The following RORB variants were observed in gnomAD, a reference collection of about 807,000 sequenced individuals.
RORB encodes the protein RAR related orphan receptor B, also known as nuclear receptor ROR-beta.
Under a neutral mutation model 59.1 loss-of-function variants are expected in RORB, and 6 were observed. The ratio of observed to expected loss-of-function variants is 0.10; its 90% CI spans 0.06 to 0.20. RORB has a LOEUF of 0.20. Among genes scored for constraint, RORB ranks in the 10% least tolerant of loss-of-function variants. The pLI is 1.00. For synonymous variants in RORB, 215 were observed against 204.5 expected (o/e 1.05, Z -0.44); for missense variants, 320 against 560.5 (o/e 0.57, Z 4.33).
At chr9:74,599,632 A>G (rs557194366) in intron 1 of RORB, among the ~76,000 whole-genome samples, 4 of 152,356 alleles carry the variant, frequency 2.6e-5, no homozygotes, top group Non-Finnish European at 4.4e-5. Context: ...TTTTAAAAAT[A>G]TAATATTTCA....
intron 1 of RORB, among the ~76,000 whole-genome samples, chr9:74,572,997 C>T (rs1251490065): frequency 6.6e-6 from 1 of 152,152 alleles, no homozygotes; most frequent in Non-Finnish European, 1.5e-5. Flanking sequence ...TCACAAAAAT[C>T]TTATCTTCTT....
At chr9:74,544,596 G>A (rs765552251) in intron 1 of RORB, among the ~76,000 whole-genome samples, 1 of 152,096 alleles carries the variant, frequency 6.6e-6, no homozygotes, top group Non-Finnish European at 1.5e-5. Flanking sequence ...CCCTCCAAAC[G>A]CAGCCTTACT....
At chr9:74,665,839 G>A (rs753896233) in intron 7 of RORB, among the ~76,000 whole-genome samples, 4 of 152,160 alleles carry the variant, frequency 2.6e-5, no homozygotes, top group African/African-American at 4.8e-5. Context: ...TTGAGACATC[G>A]TTCATTCAGA....
chr9:74,631,274 T>C (rs1823612796), intron 2 of RORB, among the ~76,000 whole-genome samples: 1 of 152,240 alleles, frequency 6.6e-6, no homozygotes, highest in Admixed American at 6.5e-5. Flanking sequence ...AAAACAGTTC[T>C]ATAGCTAACG....
Position 74,548,680 on chromosome 9 carries a change from G to A in RORB, c.7+50697G>A, listed in dbSNP as rs73536314. Among the ~76,000 whole-genome samples, 1,155 of 152,178 alleles carry A rather than the reference G, an allele frequency of 7.6e-3. 18 individuals are homozygous for A. Among genetic ancestry groups the A allele is most frequent in the African/African-American group, 0.026 (1,084 of 41,512 alleles). ...CTACCCTGAGAGCAGTGTGAACTTC[G>A]AAAGTAATAACTGGTCATTGCAGAG... On this transcript the variant is annotated intron_variant, in intron 1 of 9. Coordinates refer to ENST00000376896, the MANE Select transcript of RORB (RefSeq NM_006914.4).
chr9:74,549,193 C>T (rs895123050), intron 1 of RORB, among the ~76,000 whole-genome samples: 4 of 152,080 alleles, frequency 2.6e-5, no homozygotes, highest in African/African-American at 9.7e-5. Context: ...CGCCTGTAAT[C>T]CCAACACTTT....
At chr9:74,669,189 A>T (rs950600510) in intron 8 of RORB, among the ~76,000 whole-genome samples, 2 of 152,200 alleles carry the variant, frequency 1.3e-5, no homozygotes, top group African/African-American at 4.8e-5. Context: ...TTTTTAAAGT[A>T]TATACTAGGC....
intron 1 of RORB, among the ~76,000 whole-genome samples, chr9:74,594,272 A>G (rs1822941483): frequency 6.6e-6 from 1 of 152,162 alleles, no homozygotes; most frequent in Non-Finnish European, 1.5e-5. Context: ...GCATGTATGA[A>G]CACTGCATAG....
chr9:74,608,967 G>A (rs539627372), intron 1 of RORB, among the ~76,000 whole-genome samples: 1 of 152,278 alleles, frequency 6.6e-6, no homozygotes, highest in South Asian at 2.1e-4. Context: ...ATGCTGTCAT[G>A]ACTGAAGAAA....
At chr9:74,665,230 T>C (rs1824246498) in intron 6 of RORB, among the ~76,000 whole-genome samples, 1 of 152,160 alleles carries the variant, frequency 6.6e-6, no homozygotes, top group Non-Finnish European at 1.5e-5. Flanking sequence ...ATATATTAAA[T>C]TGGTGCAAAT....
At chr9:74,668,076 A>C (rs1156685490) in intron 8 of RORB, among the ~76,000 whole-genome samples, 175 bp downstream of exon 8, 1 of 152,216 alleles carries the variant, frequency 6.6e-6, no homozygotes, top group East Asian at 1.9e-4. Context: ...AAGTTTATTA[A>C]AATGACCAAT....
intron 1 of RORB, among the ~76,000 whole-genome samples, chr9:74,527,298 A>T (rs1465278380): frequency 1.3e-5 from 2 of 152,110 alleles, no homozygotes; most frequent in East Asian, 3.9e-4. Context: ...GTTATGAATC[A>T]TTCATTCTTA....
intron 1 of RORB, among the ~76,000 whole-genome samples, chr9:74,605,624 A>G (rs1444057906): frequency 2.0e-5 from 3 of 152,198 alleles, no homozygotes; most frequent in African/African-American, 7.2e-5. Context: ...TTGGAAGCAC[A>G]ATTCTTCAAG....
At chr9:74,562,188 C>T (rs990052913) in intron 1 of RORB, among the ~76,000 whole-genome samples, 5 of 152,144 alleles carry the variant, frequency 3.3e-5, no homozygotes, top group African/African-American at 1.2e-4. Flanking sequence ...TACTCAAATG[C>T]TGTATGTATT....
Position 74,619,861 on chromosome 9 carries a change from T to C in RORB, c.8-10421T>C, listed in dbSNP as rs1188329487. On this transcript the variant is annotated intron_variant, in intron 1 of 9. Coordinates refer to ENST00000376896, the MANE Select transcript of RORB (RefSeq NM_006914.4). ...ATTACACTTATTGATTTGTGTATGC[T>C]GAACCAGCCTTGCATCCCAGGGATG... Among the ~76,000 whole-genome samples the C allele has an allele frequency of 3.9e-5, 6 of 152,232 alleles. No individual in the cohort carries two copies. In the South Asian group the frequency reaches 1.2e-3, roughly 32 times the overall value.
chr9:74,603,523 T>C (rs1479340052), intron 1 of RORB, among the ~76,000 whole-genome samples: 1 of 152,176 alleles, frequency 6.6e-6, no homozygotes, highest in Non-Finnish European at 1.5e-5. Context: ...TCAGTCTCAG[T>C]CCACTGGGAG....
In RORB at chr9:74,662,550, G is replaced by A. The variant is rs770337953; in HGVS notation, c.836G>A (p.Arg279Gln). The change falls in exon 6 of 10, where the codon CGG becomes CAG. Residue 279 changes from arginine to glutamine, a missense_variant. By Grantham distance (43) the Arg-to-Gln change is conservative. Around this residue, in one of 4 missense-constraint regions of RORB, gnomAD observed 40 missense variants for 116.9 expected, o/e 0.34. Coordinates refer to ENST00000376896, the MANE Select transcript of RORB (RefSeq NM_006914.4). ...AIQYVVEFAK[R>Q]ITGFMELCQN... ...CAATACGTGGTGGAGTTTGCAAAGC[G>A]GATAACAGGCTTCATGGAGCTCTGT... The A allele has an allele frequency of 3.1e-6, 5 of 1,614,004 alleles. No homozygotes were observed. The highest frequency in any genetic ancestry group is 4.2e-6 in the Non-Finnish European group (5 of 1,179,970).
chr9:74,508,815 A>C (rs954519720), intron 1 of RORB, among the ~76,000 whole-genome samples: 3 of 151,968 alleles, frequency 2.0e-5, no homozygotes, highest in Non-Finnish European at 4.4e-5. Flanking sequence ...CTTGGTCATA[A>C]TTATTTGTTA....
intron 9 of RORB, 23 bp downstream of exon 9, chr9:74,671,924 C>T (rs766864454): frequency 7.4e-7 from 1 of 1,350,814 alleles, no homozygotes; most frequent in Non-Finnish European, 1.1e-6. Flanking sequence ...ATCACAGAGC[C>T]ACCACCACCA....
Sources: gnomAD v4.1 joint callset for allele counts (sites outside exome capture counted in the v4.1 genomes callset) on GRCh38, gnomAD v4.1.1 for gene constraint, gnomAD v4.1.1 regional missense constraint, MANE v1.5 for transcripts, NCBI Gene and HGNC (gene_info 2026-07-23, HGNC 2026-07-21) for gene names.